TENT2: variants seen among roughly 807,000 people sequenced by gnomAD.
TENT2 encodes the protein poly(A) RNA polymerase GLD2.
TENT2 carries 44 observed loss-of-function variants against 72.2 expected under a neutral mutation model. The observed-to-expected ratio is 0.61, with a 90% CI of 0.48 to 0.78. The LOEUF (loss-of-function observed/expected upper bound fraction) is 0.78, where lower values mean the gene tolerates loss of function less well. TENT2 is among the 30% of genes least tolerant of loss of function. The pLI is 0.00. For synonymous variants in TENT2, 212 were observed against 192.5 expected (o/e 1.10, Z -0.84); for missense variants, 541 against 569.6 (o/e 0.95, Z 0.51).
intron 14 of TENT2, among the ~76,000 whole-genome samples, chr5:79,683,919 G>A (rs1178047741): frequency 7.4e-5 from 4 of 54,376 alleles, no homozygotes; most frequent in African/African-American, 2.4e-4. Flanking sequence ...GCGAGACTCC[G>A]TCTCAAAAAA....
intron 8 of TENT2, among the ~76,000 whole-genome samples, chr5:79,647,837 T>C (rs1368530632): frequency 6.6e-6 from 1 of 152,170 alleles, no homozygotes; most frequent in Non-Finnish European, 1.5e-5. Context: ...ATTTTCTAAA[T>C]TATGAACTGC....
At chr5:79,634,671 A>AT (rs1164529602) in intron 4 of TENT2, among the ~76,000 whole-genome samples, 1 of 152,166 alleles carries the variant, frequency 6.6e-6, no homozygotes, top group Non-Finnish European at 1.5e-5. Flanking sequence ...TAGGCTACGT[A>AT]TAAGTAAATT....
At chr5:79,631,309 A>G (rs1246084853) in intron 4 of TENT2, among the ~76,000 whole-genome samples, 1 of 152,204 alleles carries the variant, frequency 6.6e-6, no homozygotes, top group Non-Finnish European at 1.5e-5. Context: ...TGGTGGCCTC[A>G]TTTGCTGAGA....
intron 12 of TENT2, among the ~76,000 whole-genome samples, chr5:79,672,717 CA>C (rs1813930633): frequency 6.6e-6 from 1 of 152,188 alleles, no homozygotes; most frequent in South Asian, 2.1e-4. Flanking sequence ...TGTTGATGGA[CA>C]CTTAAGTTCC....
chr5:79,623,003 G>A (rs1580203520), intron 3 of TENT2, among the ~76,000 whole-genome samples: 1 of 152,086 alleles, frequency 6.6e-6, no homozygotes, highest in East Asian at 1.9e-4. Flanking sequence ...TTCAAATACA[G>A]GAGACTAACC....
chr5:79,635,252 C>T (rs1419632347), intron 4 of TENT2, among the ~76,000 whole-genome samples: 2 of 152,066 alleles, frequency 1.3e-5, no homozygotes, highest in African/African-American at 2.4e-5. Flanking sequence ...CTTTTTGTCT[C>T]ATCTGAACTC....
chr5:79,624,566 A>G (rs970494150), intron 4 of TENT2, among the ~76,000 whole-genome samples: 6 of 152,146 alleles, frequency 3.9e-5, no homozygotes, highest in Admixed American at 6.5e-5. Flanking sequence ...CTTGTACCCA[A>G]TAACAGTCAC....
At position 79,686,642 on chromosome 5, in the gene TENT2, C is replaced by T. The variant is rs1826123925; in HGVS notation, c.*1369C>T. On this transcript the variant is annotated 3_prime_UTR_variant, in exon 15 of 15. Coordinates refer to ENST00000453514, the MANE Select transcript of TENT2 (RefSeq NM_001114394.3). ...AAATGCAATAAAATTTATATATGGA[C>T]ATTGTTGAGGTGCCTTTTTTTTCTG... 6.6e-6 allele frequency: 1 copy of T among 151,858 alleles called. No individual in the cohort carries two copies. The highest frequency in any genetic ancestry group is 2.4e-5 in the African/African-American group (1 of 41,330). The allele number at this position is 151,858 out of a possible 1,614,324, so 9.4% of individuals were successfully genotyped here.
At chr5:79,627,338 C>G (rs1333390504) in intron 4 of TENT2, among the ~76,000 whole-genome samples, 1 of 152,062 alleles carries the variant, frequency 6.6e-6, no homozygotes, top group Admixed American at 6.6e-5. Flanking sequence ...AATAACAATT[C>G]ATATTAGTGT....
chr5:79,666,681 C>A (rs1039534387), intron 11 of TENT2, among the ~76,000 whole-genome samples: 1 of 151,918 alleles, frequency 6.6e-6, no homozygotes, highest in African/African-American at 2.4e-5. Flanking sequence ...TGATAATAAC[C>A]TAAATTTCTT....
In TENT2 at chr5:79,620,090, AC is replaced by A. The variant is rs1370413183; in HGVS notation, c.227+8del. ...CATTATTTCGAGGAAGGAAGTAAGT[AC>A]TTCTTAATTATTTTAAAAGAATATT... On this transcript the variant is annotated splice_region_variant and intron_variant, in intron 3 of 14. Transcript: ENST00000453514. 1 of 1,562,034 alleles carries A rather than the reference AC, an allele frequency of 6.4e-7. No homozygotes were observed. Among genetic ancestry groups the A allele is most frequent in the African/African-American group, 1.4e-5 (1 of 73,560 alleles).
intron 8 of TENT2, among the ~76,000 whole-genome samples, chr5:79,646,093 G>A (rs1472957911): frequency 6.6e-6 from 1 of 152,072 alleles, no homozygotes; most frequent in Non-Finnish European, 1.5e-5. Flanking sequence ...CCTTCTCACA[G>A]TCTAATTAAT....
intron 8 of TENT2, among the ~76,000 whole-genome samples, chr5:79,646,468 G>T (rs975282854): frequency 6.6e-6 from 1 of 152,118 alleles, no homozygotes; most frequent in African/African-American, 2.4e-5. Context: ...TTTATAGAAC[G>T]TAGCTACTAT....
At position 79,640,866 on chromosome 5, in the gene TENT2, C is replaced by G. The variant is rs1783927496; in HGVS notation, c.481C>G (p.Leu161Val). 6.2e-7 allele frequency: 1 copy of G among 1,608,578 alleles called. No individual in the cohort carries two copies. The highest frequency in any genetic ancestry group is 1.3e-5 in the African/African-American group (1 of 74,534). ...EAKDKLSQQI[L>V]ELFETCQQQI... ...TGGATTCAAGTTGAGTCAGCAGATA[C>G]TGGAGTTATTTGAAACATGTCAGCA... The change falls in exon 5 of 15, where the codon CTG becomes GTG. Residue 161 changes from leucine to valine, a missense_variant. Leu to Val is a conservative substitution (Grantham distance 32). Coordinates refer to ENST00000453514, the MANE Select transcript of TENT2 (RefSeq NM_001114394.3).
At chr5:79,615,807 G>A (rs535123032) in intron 1 of TENT2, among the ~76,000 whole-genome samples, 3 of 151,304 alleles carry the variant, frequency 2.0e-5, no homozygotes, top group Admixed American at 2.0e-4. Context: ...CCGTCTCCCT[G>A]GCTCAAGCGA....
intron 8 of TENT2, among the ~76,000 whole-genome samples, chr5:79,647,007 A>C (rs946395085): frequency 6.6e-6 from 1 of 152,020 alleles, no homozygotes; most frequent in Non-Finnish European, 1.5e-5. Flanking sequence ...GGCCTCAAGC[A>C]ATCCTTCTAC....
intron 4 of TENT2, among the ~76,000 whole-genome samples, chr5:79,632,447 C>A (rs1412259521): frequency 6.6e-6 from 1 of 152,068 alleles, no homozygotes; most frequent in East Asian, 1.9e-4. Context: ...TGGTTTTCTG[C>A]ACAAAAATGA....
At chr5:79,620,166 T>C (rs893339633) in intron 3 of TENT2, 83 bp downstream of exon 3, 3 of 935,676 alleles carry the variant, frequency 3.2e-6, no homozygotes, top group Non-Finnish European at 5.0e-6. Context: ...TAATATTGTA[T>C]GGACCCTAAG....
chr5:79,673,278 A>G (rs940263292), intron 12 of TENT2, among the ~76,000 whole-genome samples: 1 of 152,090 alleles, frequency 6.6e-6, no homozygotes, highest in Non-Finnish European at 1.5e-5. Flanking sequence ...TTCCTTTGCT[A>G]TGCAGAAGCT....
Sources: gnomAD v4.1 joint callset for allele counts (sites outside exome capture counted in the v4.1 genomes callset) on GRCh38, gnomAD v4.1.1 for gene constraint, MANE v1.5 for transcripts, NCBI Gene and HGNC (gene_info 2026-07-23, HGNC 2026-07-21) for gene names.